LCLAT1: variants seen among roughly 807,000 people sequenced by gnomAD.
LCLAT1 encodes 1-AGP acyltransferase 8.
LCLAT1 carries 11 observed loss-of-function variants against 30.7 expected under a neutral mutation model. The observed-to-expected ratio is 0.36, with a 90% CI of 0.23 to 0.59. The LOEUF (loss-of-function observed/expected upper bound fraction) is 0.59. Among genes scored for constraint, LCLAT1 ranks in the 20% least tolerant of loss-of-function variants. The probability of loss-of-function intolerance (pLI) is 0.77; values close to 1 mark genes in which losing one functional copy is unlikely to be tolerated. For missense variants in LCLAT1, 402 were observed against 458.6 expected, an observed-to-expected ratio of 0.88 and a Z score of 1.13; for synonymous variants, 155 against 151.3, an observed-to-expected ratio of 1.02 and a Z score of -0.18.
chr2:30,459,488 G>A (rs1447592319), intron 1 of LCLAT1: 3 of 716,890 alleles, frequency 4.2e-6, no homozygotes, highest in Admixed American at 2.1e-5. Flanking sequence ...ACCATCTGAT[G>A]AGCCCGGTGC....
At chr2:30,549,177 T>C (rs1222799332) in intron 3 of LCLAT1, among the ~76,000 whole-genome samples, 1 of 152,220 alleles carries the variant, frequency 6.6e-6, no homozygotes, top group Non-Finnish European at 1.5e-5. Context: ...GTTGACAGTT[T>C]CTTTGGCCAG....
intron 5 of LCLAT1, among the ~76,000 whole-genome samples, chr2:30,628,800 C>T (rs947881311): frequency 1.3e-5 from 2 of 152,078 alleles, no homozygotes; most frequent in Admixed American, 6.6e-5. Context: ...AAGAAAAAAA[C>T]GTATTTCATC....
chr2:30,538,042 A>G (rs1256286427), intron 3 of LCLAT1, among the ~76,000 whole-genome samples: 1 of 152,172 alleles, frequency 6.6e-6, no homozygotes, highest in Non-Finnish European at 1.5e-5. Flanking sequence ...GAAAATAGAA[A>G]CATAACACAC....
chr2:30,568,824 A>G (rs1366821271), intron 5 of LCLAT1, among the ~76,000 whole-genome samples: 1 of 136,404 alleles, frequency 7.3e-6, no homozygotes, highest in Non-Finnish European at 1.5e-5. Flanking sequence ...TCTTAAGAGT[A>G]TCTTGTCACT....
rs1475874741 is a variant in LCLAT1, at chr2:30,449,355, AAAT to A, written c.-5+1979_-5+1981del. Among the ~76,000 whole-genome samples, 3 of 152,232 alleles carry A rather than the reference AAAT, an allele frequency of 2.0e-5. No individual in the cohort carries two copies. The East Asian group carries it at 5.8e-4, about 29-fold the overall frequency. ...AGTAGTTTTGTTTGTGATCTTGTGT[AAAT>A]AATAATCATGGTTTATTCCATTGGC... On this transcript the variant is annotated intron_variant, in intron 1 of 5. Transcript: ENST00000379509.
intron 1 of LCLAT1, among the ~76,000 whole-genome samples, chr2:30,507,806 A>G (rs1245761944): frequency 6.6e-6 from 1 of 152,106 alleles, no homozygotes; most frequent in Non-Finnish European, 1.5e-5. Context: ...AAGAATTTAT[A>G]CTTCTTTGGG....
At chr2:30,590,558 C>T (rs562308351) in intron 5 of LCLAT1, among the ~76,000 whole-genome samples, 1 of 148,602 alleles carries the variant, frequency 6.7e-6, no homozygotes, top group Non-Finnish European at 1.5e-5. Flanking sequence ...TTATTATATT[C>T]TGGGAGTGAT....
intron 1 of LCLAT1, among the ~76,000 whole-genome samples, chr2:30,468,796 GTCT>G (rs748101476): frequency 1.3e-5 from 2 of 152,108 alleles, no homozygotes; most frequent in Non-Finnish European, 2.9e-5. Flanking sequence ...GACCTTTTGT[GTCT>G]TCTTCACTTA....
chr2:30,463,601 A>G (rs1223408397), intron 1 of LCLAT1, among the ~76,000 whole-genome samples: 1 of 152,206 alleles, frequency 6.6e-6, no homozygotes, highest in Non-Finnish European at 1.5e-5. Context: ...TTTTCTTGTC[A>G]TTGTTCCCTA....
chr2:30,595,244 C>T (rs906694172), intron 5 of LCLAT1, among the ~76,000 whole-genome samples: 2 of 152,114 alleles, frequency 1.3e-5, no homozygotes, highest in African/African-American at 2.4e-5. Context: ...CCCTCCTGAC[C>T]ACTATCCTTT....
chr2:30,455,521 C>T (rs574491877), intron 1 of LCLAT1, among the ~76,000 whole-genome samples: 160 of 152,230 alleles, frequency 1.1e-3, no homozygotes, highest in African/African-American at 3.6e-3. Context: ...TGGCTGATGG[C>T]ATTCCTTGTT....
chr2:30,571,296 G>C (rs1665767792), intron 5 of LCLAT1, among the ~76,000 whole-genome samples: 1 of 152,168 alleles, frequency 6.6e-6, no homozygotes, highest in African/African-American at 2.4e-5. Flanking sequence ...TTTGTATTCA[G>C]GGAGAGAGAA....
intron 1 of LCLAT1, among the ~76,000 whole-genome samples, chr2:30,457,946 A>G (rs1681915323): frequency 6.6e-6 from 1 of 152,190 alleles, no homozygotes; most frequent in Non-Finnish European, 1.5e-5. Context: ...CACTTCTCAT[A>G]GTACCTCGTA....
chr2:30,496,709 A>T lies in LCLAT1; in HGVS notation c.-4-28878A>T, dbSNP rs529931553. ...GCATCCTCCCTCTCTAGAGTTATAAAGATATTATGGTCCTATTTTTTATTA... is the reference window on the plus strand; with the variant it reads ...GCATCCTCCCTCTCTAGAGTTATAATGATATTATGGTCCTATTTTTTATTA... On this transcript the variant is annotated intron_variant, in intron 1 of 5. Coordinates refer to ENST00000379509, the MANE Select transcript of LCLAT1 (RefSeq NM_001002257.3). Among the ~76,000 whole-genome samples, 9 of 152,294 alleles carry T rather than the reference A, an allele frequency of 5.9e-5. No individual in the cohort carries two copies. The South Asian group carries it at 1.9e-3, about 32-fold the overall frequency.
At position 30,616,038 on chromosome 2, in the gene LCLAT1, AC is replaced by A. The variant is rs369943373; in HGVS notation, c.629-24076del. Among the ~76,000 whole-genome samples the A allele has an allele frequency of 6.4e-4, 98 of 152,272 alleles. 2 individuals carry two copies. Among genetic ancestry groups the A allele is most frequent in the African/African-American group, 2.4e-3 (98 of 41,544 alleles). On this transcript the variant is annotated intron_variant, in intron 5 of 5. Coordinates refer to ENST00000379509, the MANE Select transcript of LCLAT1 (RefSeq NM_001002257.3). ...TCCACTGAGTTAGTCTTCACAGTTT[AC>A]CCAGGCCAGTTTCATCTATAAGAAC...
At position 30,597,882 on chromosome 2, in the gene LCLAT1, T is replaced by G. The variant is rs923284230; in HGVS notation, c.628+29706T>G. Among the ~76,000 whole-genome samples the G allele has an allele frequency of 3.3e-5, 5 of 152,332 alleles. No homozygotes were observed. In the East Asian group the frequency reaches 9.7e-4, roughly 29 times the overall value. ...GGAATGTTGAATTTTATCACAGGCC[T>G]TTTCTGTATCTATTGAGATAACTAT... is the stretch of plus-strand genomic sequence containing the variant. On this transcript the variant is annotated intron_variant, in intron 5 of 5. Transcript: ENST00000379509.
chr2:30,490,092 A>G (rs1683766269), intron 1 of LCLAT1, among the ~76,000 whole-genome samples: 1 of 152,088 alleles, frequency 6.6e-6, no homozygotes, highest in African/African-American at 2.4e-5. Context: ...TATTTTTTAC[A>G]ACTGAGGAAG....
chr2:30,628,873 G>A (rs1233844794), intron 5 of LCLAT1, among the ~76,000 whole-genome samples: 1 of 152,150 alleles, frequency 6.6e-6, no homozygotes, highest in Non-Finnish European at 1.5e-5. Context: ...GAATCCAGAA[G>A]CTATAACAGA....
At chr2:30,632,989 T>C (rs1572722185) in intron 5 of LCLAT1, among the ~76,000 whole-genome samples, 1 of 152,238 alleles carries the variant, frequency 6.6e-6, no homozygotes, top group African/African-American at 2.4e-5. Flanking sequence ...CCCTTTTATT[T>C]TGAAGCTGAA....
Sources: allele counts gnomAD v4.1 joint callset (sites outside exome capture counted in the v4.1 genomes callset), GRCh38; gene constraint gnomAD v4.1.1; transcripts MANE v1.5; gene names NCBI Gene and HGNC (gene_info 2026-07-23, HGNC 2026-07-21).